The following B3GALT1 variants were observed in gnomAD, a reference collection of about 807,000 sequenced individuals.
B3GALT1 encodes the protein UDP-Gal:betaGlcNAc beta 1,3-galactosyltransferase, polypeptide 1.
B3GALT1 carries 10 observed loss-of-function variants against 23.2 expected under a neutral mutation model. The ratio of observed to expected loss-of-function variants is 0.43; its 90% CI spans 0.27 to 0.73. B3GALT1 has a LOEUF of 0.73. Among genes scored for constraint, B3GALT1 ranks in the 30% least tolerant of loss-of-function variants. B3GALT1 has a pLI of 0.21. For missense variants in B3GALT1, 299 were observed against 405.4 expected (o/e 0.74, Z 2.25); for synonymous variants, 156 against 141.5 (o/e 1.10, Z -0.73).
At chr2:167,566,060 A>C (rs13031089) in intron 2 of B3GALT1, among the ~76,000 whole-genome samples, 49,440 of 151,774 alleles carry the variant, frequency 0.33, 8,793 homozygotes, top group East Asian at 0.73. Flanking sequence ...ACATATGTTT[A>C]TTGCGGCACT....
intron 3 of B3GALT1, among the ~76,000 whole-genome samples, chr2:167,806,778 T>A (rs1444184656): frequency 1.3e-5 from 2 of 152,260 alleles, no homozygotes; most frequent in East Asian, 3.9e-4. Flanking sequence ...AAAATTCTCT[T>A]TTTTTGTTGT....
chr2:167,808,737 T>C (rs916707601), intron 3 of B3GALT1, among the ~76,000 whole-genome samples: 5 of 152,094 alleles, frequency 3.3e-5, no homozygotes, highest in Non-Finnish European at 5.9e-5. Context: ...CATTTCAACT[T>C]TGGTGAATCT....
At chr2:167,616,264 AC>A (rs2105435769) in intron 2 of B3GALT1, among the ~76,000 whole-genome samples, 1 of 152,152 alleles carries the variant, frequency 6.6e-6, no homozygotes, top group East Asian at 1.9e-4. Flanking sequence ...ATAGATAAGT[AC>A]ATCTCTAGAG....
At chr2:167,662,719 G>A (rs1221494821) in intron 3 of B3GALT1, among the ~76,000 whole-genome samples, 2 of 151,600 alleles carry the variant, frequency 1.3e-5, no homozygotes, top group Non-Finnish European at 2.9e-5. Flanking sequence ...ACCATACAAT[G>A]GTCTGTAGGG....
At chr2:167,504,853 A>G (rs1273235164) in intron 2 of B3GALT1, among the ~76,000 whole-genome samples, 1 of 152,224 alleles carries the variant, frequency 6.6e-6, no homozygotes, top group Non-Finnish European at 1.5e-5. Context: ...CTGGATATAC[A>G]GTAGGCTATT....
intron 1 of B3GALT1, among the ~76,000 whole-genome samples, chr2:167,334,363 C>T (rs959439315): frequency 4.6e-5 from 7 of 152,234 alleles, no homozygotes; most frequent in Admixed American, 4.6e-4. Flanking sequence ...ATAGTCCCTG[C>T]AAGGTGGTTT....
chr2:167,772,029 C>G (rs1292939876), intron 3 of B3GALT1, among the ~76,000 whole-genome samples: 1 of 152,136 alleles, frequency 6.6e-6, no homozygotes, highest in Admixed American at 6.6e-5. Flanking sequence ...GAAACTTTTA[C>G]TGAACTAAGA....
intron 2 of B3GALT1, among the ~76,000 whole-genome samples, chr2:167,502,839 G>A (rs1699866165): frequency 6.6e-6 from 1 of 152,104 alleles, no homozygotes; most frequent in Non-Finnish European, 1.5e-5. Flanking sequence ...AGGAGTTCGA[G>A]ACCAGCCTAG....
At chr2:167,443,722 C>A (rs1698933823) in intron 1 of B3GALT1, among the ~76,000 whole-genome samples, 1 of 152,128 alleles carries the variant, frequency 6.6e-6, no homozygotes. Context: ...GATTTTGTAT[C>A]CTGAGACTTT....
At chr2:167,746,614 C>T (rs1033682764) in intron 3 of B3GALT1, among the ~76,000 whole-genome samples, 1 of 152,230 alleles carries the variant, frequency 6.6e-6, no homozygotes, top group African/African-American at 2.4e-5. Context: ...CTGTCCCACT[C>T]TTCTTAGCAA....
rs994311999 is a variant in B3GALT1 at position 167,809,241 on chromosome 2, A to G, written c.-351-9431A>G. Among the ~76,000 whole-genome samples the G allele has an allele frequency of 2.9e-4, 44 of 152,294 alleles. 1 individual carries two copies. The highest frequency in any genetic ancestry group is 1.0e-3 in the African/African-American group (42 of 41,564). ...GCCATGGGTTCGAAATTCCTCCTTTAGCTCGGAGTAGTTTGATCGTCTGAA... is the reference window on the plus strand; with the variant it reads ...GCCATGGGTTCGAAATTCCTCCTTTGGCTCGGAGTAGTTTGATCGTCTGAA... On this transcript the variant is annotated intron_variant, in intron 3 of 4. Coordinates refer to ENST00000392690, the MANE Select transcript of B3GALT1 (RefSeq NM_020981.4).
chr2:167,409,681 T>G (rs2105294427), intron 1 of B3GALT1, among the ~76,000 whole-genome samples: 1 of 152,232 alleles, frequency 6.6e-6, no homozygotes, highest in South Asian at 2.1e-4. Context: ...TTAGCTTCCT[T>G]GCATTGGGTT....
chr2:167,561,200 G>A (rs1429629631), intron 2 of B3GALT1, among the ~76,000 whole-genome samples: 1 of 152,200 alleles, frequency 6.6e-6, no homozygotes, highest in Non-Finnish European at 1.5e-5. Flanking sequence ...GCTCCTGAAT[G>A]ACTATTGGGT....
chr2:167,390,494 G>C (rs1350562103), intron 1 of B3GALT1, among the ~76,000 whole-genome samples: 1 of 152,176 alleles, frequency 6.6e-6, no homozygotes, highest in African/African-American at 2.4e-5. Flanking sequence ...CAATTAGAGT[G>C]CATGTATTAA....
chr2:167,330,423 A>G (rs183390840), intron 1 of B3GALT1, among the ~76,000 whole-genome samples: 16 of 152,274 alleles, frequency 1.1e-4, no homozygotes, highest in African/African-American at 3.1e-4. Context: ...CCTGGGCAAC[A>G]TAGTGAGACC....
rs1689045097 is a variant in B3GALT1 at position 167,818,719 on chromosome 2, C to G, written c.-304C>G. Among the ~76,000 whole-genome samples the G allele has an allele frequency of 6.6e-6, 1 of 152,088 alleles. No homozygotes were observed. Among genetic ancestry groups the G allele is most frequent in the African/African-American group, 2.4e-5 (1 of 41,342 alleles). Reference sequence around the variant, plus strand: ...ACGGGCACCTTGAATCTCCTCCTCACACAGATGGAGACCATGCTTGATTTC... The same window carrying G: ...ACGGGCACCTTGAATCTCCTCCTCAGACAGATGGAGACCATGCTTGATTTC... On this transcript the variant is annotated 5_prime_UTR_variant, in exon 4 of 5. Coordinates refer to ENST00000392690, the MANE Select transcript of B3GALT1 (RefSeq NM_020981.4).
At chr2:167,687,787 T>C (rs1686641099) in intron 3 of B3GALT1, among the ~76,000 whole-genome samples, 1 of 152,138 alleles carries the variant, frequency 6.6e-6, no homozygotes, top group Non-Finnish European at 1.5e-5. Flanking sequence ...ACTATTCATA[T>C]GAGAAACAAA....
At chr2:167,614,893 GTAGA>G (rs1685131079) in intron 2 of B3GALT1, among the ~76,000 whole-genome samples, 2 of 151,932 alleles carry the variant, frequency 1.3e-5, no homozygotes, top group Non-Finnish European at 2.9e-5. Flanking sequence ...AGGTAGGTAA[GTAGA>G]TAGATAGATA....
intron 2 of B3GALT1, among the ~76,000 whole-genome samples, chr2:167,631,912 A>G (rs1338687560): frequency 6.6e-6 from 1 of 151,602 alleles, no homozygotes; most frequent in African/African-American, 2.4e-5. Context: ...ACTCAGCTAC[A>G]TTAGGTATTT....
Sources: allele counts gnomAD v4.1 joint callset (sites outside exome capture counted in the v4.1 genomes callset), GRCh38; gene constraint gnomAD v4.1.1; transcripts MANE v1.5; gene names NCBI Gene and HGNC (gene_info 2026-07-23, HGNC 2026-07-21).